TAFA2: variants seen among roughly 807,000 people sequenced by gnomAD.
TAFA2 encodes the protein TAFA chemokine like family member 2.
In TAFA2, 7 loss-of-function variants were observed where a neutral mutation model predicts 18.8. The ratio of observed to expected loss-of-function variants is 0.37; its 90% CI spans 0.21 to 0.70. The LOEUF is 0.70. Among genes scored for constraint, TAFA2 ranks in the 30% least tolerant of loss-of-function variants. The probability of loss-of-function intolerance (pLI) is 0.53; values close to 1 mark genes in which losing one functional copy is unlikely to be tolerated. For synonymous variants in TAFA2, 60 were observed against 54.2 expected (o/e 1.11, Z -0.47); for missense variants, 122 against 158.1 (o/e 0.77, Z 1.23).
At chr12:61,886,181 T>G (rs1326938546) in intron 1 of TAFA2, among the ~76,000 whole-genome samples, 1 of 152,150 alleles carries the variant, frequency 6.6e-6, no homozygotes, top group Non-Finnish European at 1.5e-5. Flanking sequence ...TGTCATTAGG[T>G]TCATACCTAA....
chr12:61,807,781 G>A (rs1017581600), intron 2 of TAFA2, among the ~76,000 whole-genome samples: 3 of 151,410 alleles, frequency 2.0e-5, no homozygotes, highest in South Asian at 2.1e-4. Flanking sequence ...AGATTTGACC[G>A]CCCCACTGGA....
At chr12:61,830,890 A>G (rs1437510434) in intron 2 of TAFA2, among the ~76,000 whole-genome samples, 1 of 152,050 alleles carries the variant, frequency 6.6e-6, no homozygotes, top group African/African-American at 2.4e-5. Context: ...AGCGGGCCAA[A>G]TATGTATTTA....
intron 1 of TAFA2, among the ~76,000 whole-genome samples, chr12:62,204,683 C>A (rs566593616): frequency 6.6e-6 from 1 of 152,148 alleles, no homozygotes; most frequent in South Asian, 2.1e-4. Context: ...TCCATCAGGT[C>A]ATTTATGTTC....
chr12:62,064,213 A>G (rs973960691), intron 1 of TAFA2, among the ~76,000 whole-genome samples: 2 of 152,074 alleles, frequency 1.3e-5, no homozygotes, highest in African/African-American at 4.8e-5. Context: ...TTACCCAACA[A>G]TTGTAAACAC....
At chr12:62,130,197 C>T (rs1054131444) in intron 1 of TAFA2, among the ~76,000 whole-genome samples, 7 of 151,900 alleles carry the variant, frequency 4.6e-5, no homozygotes, top group African/African-American at 1.7e-4. Context: ...ACTGTACAAC[C>T]ATAGTTGCAG....
chr12:61,915,243 G>A (rs546325674), intron 1 of TAFA2, among the ~76,000 whole-genome samples: 4 of 152,250 alleles, frequency 2.6e-5, no homozygotes, highest in African/African-American at 7.2e-5. Flanking sequence ...ATTCTCTTTC[G>A]ATTAATAGAG....
At chr12:62,019,820 A>T (rs1390593581) in intron 1 of TAFA2, among the ~76,000 whole-genome samples, 4 of 64,126 alleles carry the variant, frequency 6.2e-5, no homozygotes, top group East Asian at 4.7e-4. Context: ...AAAGTATAAT[A>T]AAAAAATTTA....
chr12:61,898,546 A>ATGTGG (rs1351580495), intron 1 of TAFA2, among the ~76,000 whole-genome samples: 1 of 152,178 alleles, frequency 6.6e-6, no homozygotes, highest in East Asian at 1.9e-4. Flanking sequence ...GGAAGCCACC[A>ATGTGG]AGGCTTGGGG....
At chr12:62,019,678 G>A in intron 1 of TAFA2, among the ~76,000 whole-genome samples, 1 of 135,728 alleles carries the variant, frequency 7.4e-6, no homozygotes, top group African/African-American at 2.7e-5. Context: ...TGTGGGGTGG[G>A]GGGAGGGAGG....
At chr12:61,934,036 G>T (rs1038565866) in intron 1 of TAFA2, among the ~76,000 whole-genome samples, 1 of 152,156 alleles carries the variant, frequency 6.6e-6, no homozygotes. Context: ...AAGTCACACA[G>T]CCAGAAACTG....
At chr12:61,976,199 C>G (rs1261864494) in intron 1 of TAFA2, among the ~76,000 whole-genome samples, 1 of 151,682 alleles carries the variant, frequency 6.6e-6, no homozygotes, top group South Asian at 2.1e-4. Flanking sequence ...TATGTTTTGC[C>G]TTTTCATTTT....
At chr12:61,940,642 G>C (rs571085394) in intron 1 of TAFA2, among the ~76,000 whole-genome samples, 141 of 152,284 alleles carry the variant, frequency 9.3e-4, no homozygotes, top group Non-Finnish European at 1.7e-3. Context: ...GCTGTGAACC[G>C]CAGAGTGATA....
intron 2 of TAFA2, among the ~76,000 whole-genome samples, chr12:61,821,962 T>C (rs1423449926): frequency 6.6e-6 from 1 of 152,076 alleles, no homozygotes; most frequent in Admixed American, 6.6e-5. Context: ...ATAATTACAG[T>C]TTAAGTATTG....
intron 1 of TAFA2, among the ~76,000 whole-genome samples, chr12:62,238,408 A>G (rs890088068): frequency 2.6e-5 from 4 of 152,208 alleles, no homozygotes; most frequent in African/African-American, 9.7e-5. Context: ...TCACTCAACA[A>G]TAACCATTTG....
intron 1 of TAFA2, among the ~76,000 whole-genome samples, chr12:61,937,138 T>C (rs1482863003): frequency 2.0e-5 from 3 of 152,090 alleles, no homozygotes; most frequent in Non-Finnish European, 2.9e-5. Flanking sequence ...TAAAAAACAC[T>C]GCTGAAAGAA....
intron 1 of TAFA2, among the ~76,000 whole-genome samples, chr12:62,016,661 C>G (rs1339046460): frequency 6.6e-6 from 1 of 152,176 alleles, no homozygotes; most frequent in Non-Finnish European, 1.5e-5. Context: ...ACTGCAACAA[C>G]ATTCCTCCGA....
chr12:62,019,968 A>C (rs1030803455), intron 1 of TAFA2, among the ~76,000 whole-genome samples: 1 of 152,210 alleles, frequency 6.6e-6, no homozygotes, highest in Non-Finnish European at 1.5e-5. Flanking sequence ...TTCAATGCTC[A>C]ACATTCAGAC....
chr12:61,712,962 T>A lies in TAFA2; in HGVS notation c.385-2545A>T, dbSNP rs1177527035. 2.6e-5 allele frequency among the ~76,000 whole-genome samples: 4 copies of A among 152,284 alleles called. No homozygotes were observed. The South Asian group carries it at 8.3e-4, about 32-fold the overall frequency. On this transcript the variant is annotated intron_variant, in intron 4 of 4. Transcript: ENST00000416284. ...TAGCTTTGTCAACCCTGACCAACTA[T>A]AAAAATAAAAGGTCTGGATTTTAGG...
At chr12:62,029,912 C>T (rs376260183) in intron 1 of TAFA2, among the ~76,000 whole-genome samples, 75 of 151,798 alleles carry the variant, frequency 4.9e-4, no homozygotes, top group Non-Finnish European at 8.7e-4. Flanking sequence ...ATAAGGATAG[C>T]AACATTACCA....
Sources: gnomAD v4.1 joint callset for allele counts (sites outside exome capture counted in the v4.1 genomes callset) on GRCh38, gnomAD v4.1.1 for gene constraint, MANE v1.5 for transcripts, NCBI Gene and HGNC (gene_info 2026-07-23, HGNC 2026-07-21) for gene names.